LAMB1: variants seen among roughly 807,000 people sequenced by gnomAD.
LAMB1 encodes laminin subunit beta-1.
A neutral mutation model predicts 222.3 loss-of-function variants in LAMB1; 121 were observed. The ratio of observed to expected loss-of-function variants is 0.54; its 90% confidence interval spans 0.47 to 0.63. LAMB1 has a LOEUF of 0.63. LAMB1 is among the 30% of genes least tolerant of loss of function. The pLI is 0.00. For missense variants in LAMB1, 2,172 were observed against 2,240.8 expected (o/e 0.97, Z 0.62); for synonymous variants, 794 against 807.2 (o/e 0.98, Z 0.28).
chr7:107,978,215 T>C lies in LAMB1; in HGVS notation c.880-48A>G, dbSNP rs371247385. On this transcript the variant is annotated intron_variant, in intron 8 of 33. Coordinates refer to ENST00000222399, the MANE Select transcript of LAMB1 (RefSeq NM_002291.3). ...GAGAACAAAGGAAGAGATGTATGAA[T>C]AGCCACGTTTCTCCATAATCAATTG... 9.4e-6 allele frequency: 15 copies of C among 1,593,978 alleles called. No homozygotes were observed. The African/African-American group carries it at 1.9e-4, about 20-fold the overall frequency.
Position 107,998,522 on chromosome 7 carries a change from G to A in LAMB1, c.214-30C>T, listed in dbSNP as rs767221423. The A allele has an allele frequency of 2.5e-6, 4 of 1,588,998 alleles. No homozygotes were observed. In the African/African-American group the frequency reaches 4.1e-5, roughly 16 times the overall value. ...AAACAAAGTTGAGTTCATCAGTCTA[G>A]AAAGCAATCTCATTAAAAACATTTT... On this transcript the variant is annotated intron_variant, in intron 3 of 33. Transcript: ENST00000222399.
At chr7:107,944,133 T>C (rs933620080) in intron 24 of LAMB1, among the ~76,000 whole-genome samples, 38 of 152,350 alleles carry the variant, frequency 2.5e-4, no homozygotes, top group African/African-American at 8.9e-4. Flanking sequence ...TGCAAAGGTA[T>C]ACCTTTGTTC....
chr7:107,955,718 G>C, intron 20 of LAMB1, 88 bp from the exon 21 acceptor site: 1 of 1,229,436 alleles, frequency 8.1e-7, no homozygotes, highest in East Asian at 2.6e-5. Context: ...GTTCTGTTTG[G>C]GCACACTCTT....
intron 14 of LAMB1, among the ~76,000 whole-genome samples, chr7:107,963,647 G>T (rs1272433186): frequency 1.3e-5 from 2 of 152,172 alleles, no homozygotes; most frequent in Non-Finnish European, 2.9e-5. Flanking sequence ...CCCGTGTGTG[G>T]CCTTACCCAT....
rs765494481 is a variant in LAMB1 at position 107,931,508 on chromosome 7, T to G, written c.4393-8A>C. ...CAGTTTTGCTTCAGAGACCTAAATA[T>G]GAAGAATAAATTACCCAGGGAAGAC... is the stretch of plus-strand genomic sequence containing the variant. On this transcript the variant is annotated splice_polypyrimidine_tract_variant and splice_region_variant and intron_variant, in intron 28 of 33. Coordinates refer to ENST00000222399, the MANE Select transcript of LAMB1 (RefSeq NM_002291.3). 3.7e-5 allele frequency: 59 copies of G among 1,611,630 alleles called. 2 individuals carry two copies. The South Asian group carries it at 6.4e-4, about 17-fold the overall frequency.
intron 18 of LAMB1, among the ~76,000 whole-genome samples, chr7:107,960,060 A>C (rs981705895): frequency 6.6e-6 from 1 of 152,212 alleles, no homozygotes; most frequent in Non-Finnish European, 1.5e-5. Context: ...TTCAAAGCTC[A>C]AATATCACAG....
chr7:107,991,865 G>A (rs538158356), intron 5 of LAMB1, among the ~76,000 whole-genome samples: 4 of 126,576 alleles, frequency 3.2e-5, no homozygotes, highest in East Asian at 4.6e-4. Flanking sequence ...CTGAGATCGC[G>A]CCACTGCACT....
At chr7:107,974,909 C>T (rs1469510679) in intron 12 of LAMB1, 77 bp downstream of exon 12, 1 of 840,054 alleles carries the variant, frequency 1.2e-6, no homozygotes, top group Non-Finnish European at 2.0e-6. Flanking sequence ...GCAGACTCTA[C>T]AATGGCGAAA....
chr7:107,935,226 A>T (rs1405814544), intron 27 of LAMB1, 189 bp downstream of exon 27: 4 of 766,742 alleles, frequency 5.2e-6, no homozygotes, highest in Non-Finnish European at 8.2e-6. Flanking sequence ...TGCTGCTTTT[A>T]ATCTGTCTTG....
chr7:108,002,437 C>A, intron 2 of LAMB1: 1 of 1,304,302 alleles, frequency 7.7e-7, no homozygotes, highest in African/African-American at 1.5e-5. Flanking sequence ...ACATGGCCCC[C>A]ATCTGTTCCC....
At chr7:107,968,794 T>C (rs1349434237) in intron 13 of LAMB1, among the ~76,000 whole-genome samples, 1 of 152,248 alleles carries the variant, frequency 6.6e-6, no homozygotes, top group Non-Finnish European at 1.5e-5. Context: ...GATTCTCCTT[T>C]AGAGCCTTAG....
intron 15 of LAMB1, 71 bp downstream of exon 15, chr7:107,962,834 C>A: frequency 8.0e-7 from 1 of 1,257,028 alleles, no homozygotes; most frequent in South Asian, 1.4e-5. Flanking sequence ...TATATAATAC[C>A]CATTAGAAGT....
intron 20 of LAMB1, among the ~76,000 whole-genome samples, chr7:107,957,475 G>A (rs1030481936): frequency 2.6e-5 from 4 of 152,304 alleles, no homozygotes; most frequent in East Asian, 1.9e-4. Flanking sequence ...TTGAACCTGC[G>A]AGTCAGAGGT....
At chr7:107,992,286 C>A (rs943747619) in intron 5 of LAMB1, among the ~76,000 whole-genome samples, 2 of 152,198 alleles carry the variant, frequency 1.3e-5, no homozygotes, top group African/African-American at 4.8e-5. Flanking sequence ...TCCAGGCTAA[C>A]AAAGATTGTC....
At chr7:107,965,264 C>T (rs71566744) in intron 13 of LAMB1, among the ~76,000 whole-genome samples, 10,266 of 152,276 alleles carry the variant, frequency 0.067, 457 homozygotes, top group Middle Eastern at 0.12. Context: ...TTCCCCCTTT[C>T]CATTGGCTAT....
intron 2 of LAMB1, chr7:108,002,218 C>A (rs2034403788): frequency 2.2e-6 from 3 of 1,346,540 alleles, no homozygotes; most frequent in Non-Finnish European, 2.9e-6. Context: ...AGCGAGAGTG[C>A]GTGTGCGTGC....
intron 24 of LAMB1, among the ~76,000 whole-genome samples, chr7:107,941,226 T>G (rs908139088): frequency 6.6e-6 from 1 of 152,220 alleles, no homozygotes; most frequent in African/African-American, 2.4e-5. Flanking sequence ...CTTAGCACAG[T>G]GGCTGTGCCC....
intron 5 of LAMB1, among the ~76,000 whole-genome samples, chr7:107,986,616 G>A (rs1249534959): frequency 6.6e-6 from 1 of 152,134 alleles, no homozygotes; most frequent in African/African-American, 2.4e-5. Flanking sequence ...CTCTTTAGAA[G>A]CTGATTATAA....
At chr7:107,974,042 A>C (rs2033803995) in intron 12 of LAMB1, among the ~76,000 whole-genome samples, 2 of 152,266 alleles carry the variant, frequency 1.3e-5, no homozygotes, top group South Asian at 2.1e-4. Flanking sequence ...CACCCAAAGC[A>C]CTGAGATTAC....
Sources: gnomAD v4.1 joint callset for allele counts (sites outside exome capture counted in the v4.1 genomes callset) on GRCh38, gnomAD v4.1.1 for gene constraint, MANE v1.5 for transcripts, NCBI Gene and HGNC (gene_info 2026-07-23, HGNC 2026-07-21) for gene names.